EXOC2: variants seen among roughly 807,000 people sequenced by gnomAD.
EXOC2 encodes the protein exocyst complex component 2.
EXOC2 carries 70 observed loss-of-function variants against 131.8 expected under a neutral mutation model. That is an observed-to-expected ratio of 0.53 (90% confidence interval 0.44 to 0.65). The LOEUF is 0.65. Among genes scored for constraint, EXOC2 ranks in the 30% least tolerant of loss-of-function variants. The pLI is 0.00. For synonymous variants in EXOC2, 411 were observed against 398.4 expected (o/e 1.03, Z -0.38); for missense variants, 923 against 1,108.6 (o/e 0.83, Z 2.38).
chr6:494,442 T>G (rs1375907900), intron 25 of EXOC2, among the ~76,000 whole-genome samples: 1 of 17,056 alleles, frequency 5.9e-5, no homozygotes, highest in African/African-American at 7.8e-5. Flanking sequence ...TTTGCACCCG[T>G]TTTTTTTTTT....
chr6:578,135 G>C (rs1003254903), intron 11 of EXOC2, among the ~76,000 whole-genome samples: 1 of 152,092 alleles, frequency 6.6e-6, no homozygotes, highest in African/African-American at 2.4e-5. Flanking sequence ...ACCACATGTA[G>C]TAAGTGACTG....
chr6:487,939 A>C (rs1308299389), intron 27 of EXOC2, among the ~76,000 whole-genome samples: 1 of 152,222 alleles, frequency 6.6e-6, no homozygotes, highest in African/African-American at 2.4e-5. Flanking sequence ...TCCACATATG[A>C]AACGTAGCAG....
At chr6:507,148 ACACAAGAAGTGACCCCCCCACC>A in intron 23 of EXOC2, among the ~76,000 whole-genome samples, 1 of 100,170 alleles carries the variant, frequency 1.0e-5, no homozygotes, top group Admixed American at 1.2e-4. Context: ...ACACACACAC[ACACAAGAAGTGACCCCCCCACC>A]CACACACACA....
At chr6:520,763 T>C (rs527599872) in intron 23 of EXOC2, among the ~76,000 whole-genome samples, 15 of 83,318 alleles carry the variant, frequency 1.8e-4, no homozygotes, top group East Asian at 5.3e-4. Context: ...CACTCGGACA[T>C]GAAAACCACC....
At chr6:657,193 C>T (rs1197884257) in intron 1 of EXOC2, 8 of 375,190 alleles carry the variant, frequency 2.1e-5, no homozygotes, top group South Asian at 2.4e-4. Context: ...AAAATGCTTC[C>T]GTTTCCACTC....
chr6:675,271 C>T (rs1764057844), intron 1 of EXOC2, among the ~76,000 whole-genome samples: 1 of 152,224 alleles, frequency 6.6e-6, no homozygotes, highest in Non-Finnish European at 1.5e-5. Flanking sequence ...AAAAAAGAGA[C>T]TCTCAGGCTG....
chr6:577,392 T>C, intron 11 of EXOC2, among the ~76,000 whole-genome samples: 1 of 152,182 alleles, frequency 6.6e-6, no homozygotes, highest in East Asian at 1.9e-4. Context: ...AGCCAGAACA[T>C]TCTACTACCA....
At chr6:535,667 G>T (rs1321223446) in intron 22 of EXOC2, among the ~76,000 whole-genome samples, 2 of 152,224 alleles carry the variant, frequency 1.3e-5, no homozygotes, top group African/African-American at 4.8e-5. Flanking sequence ...TATAGACAAG[G>T]ACTTGACAAT....
chr6:564,427 G>C, intron 15 of EXOC2, 118 bp downstream of exon 15: 2 of 1,394,352 alleles, frequency 1.4e-6, no homozygotes, highest in Non-Finnish European at 2.0e-6. Flanking sequence ...AAACAGTGGA[G>C]GCAAAAGGAC....
chr6:498,971 C>A (rs922809070), intron 24 of EXOC2, among the ~76,000 whole-genome samples: 3 of 152,172 alleles, frequency 2.0e-5, no homozygotes, highest in Non-Finnish European at 4.4e-5. Context: ...AAACAGGCAG[C>A]CATAGATCAT....
At chr6:612,763 A>G (rs531305101) in intron 6 of EXOC2, among the ~76,000 whole-genome samples, 6 of 152,300 alleles carry the variant, frequency 3.9e-5, no homozygotes, top group Admixed American at 3.3e-4. Flanking sequence ...AGGAAGACAA[A>G]TAAGACAGAG....
intron 6 of EXOC2, 109 bp downstream of exon 6, chr6:617,602 T>A: frequency 7.3e-7 from 1 of 1,373,782 alleles, no homozygotes; most frequent in Non-Finnish European, 9.7e-7. Context: ...ATTTGAGATC[T>A]CTACTTTGAT....
chr6:658,665 A>ATATATATATATATAT (rs1374453663), intron 1 of EXOC2, among the ~76,000 whole-genome samples: 1 of 115,546 alleles, frequency 8.7e-6, no homozygotes, highest in African/African-American at 3.3e-5. Context: ...ATATATATAT[A>ATATATATATATATAT]TTTTTTTTTT....
At position 555,237 on chromosome 6, in the gene EXOC2, C is replaced by G. The variant is rs1233296079; in HGVS notation, c.2044G>C (p.Asp682His). 1 of 1,515,538 alleles carries G rather than the reference C, an allele frequency of 6.6e-7. No individual in the cohort carries two copies. Among genetic ancestry groups the G allele is most frequent in the Non-Finnish European group, 9.0e-7 (1 of 1,116,712 alleles). The allele number at this position is 1,515,538 out of a possible 1,614,324, so 93.9% of individuals were successfully genotyped here. ...TTAATTTTTACTTACTGTGTAGTAT[C>G]TATATCTGCATCAGGCTTGGTGCTC... Reference protein sequence around the residue: ...QLSTKPDADIDTTHLSVDVSS... With the variant: ...QLSTKPDADIHTTHLSVDVSS... The change falls in exon 20 of 28, where the codon GAT (aspartate) becomes CAT (histidine). Residue 682 changes from aspartate (D) to histidine (H), a missense_variant. Transcript: ENST00000230449.
chr6:540,483 A>C (rs1485732847), intron 22 of EXOC2, among the ~76,000 whole-genome samples: 1 of 152,224 alleles, frequency 6.6e-6, no homozygotes, highest in Non-Finnish European at 1.5e-5. Context: ...TTACTTAGTA[A>C]CAAAAAACAA....
chr6:504,172 C>T (rs987081026), intron 23 of EXOC2, among the ~76,000 whole-genome samples: 2 of 152,192 alleles, frequency 1.3e-5, no homozygotes, highest in African/African-American at 2.4e-5. Context: ...CATGCACATG[C>T]GAACACTGAG....
intron 11 of EXOC2, among the ~76,000 whole-genome samples, chr6:586,335 G>A (rs958571518): frequency 7.9e-5 from 12 of 152,148 alleles, no homozygotes; most frequent in African/African-American, 2.4e-4. Flanking sequence ...GGGGCACTGC[G>A]GGCCTTCCCA....
chr6:555,117 ATCTT>A, intron 20 of EXOC2, 106 bp downstream of exon 20: 1 of 516,342 alleles, frequency 1.9e-6, no homozygotes, highest in East Asian at 3.4e-5. Context: ...GATATGAACA[ATCTT>A]TCTTTCTTAC....
chr6:580,099 T>C (rs1369893411), intron 11 of EXOC2, among the ~76,000 whole-genome samples: 2 of 151,262 alleles, frequency 1.3e-5, no homozygotes, highest in Non-Finnish European at 2.9e-5. Flanking sequence ...TGGAGCCCAG[T>C]GGCACAATCT....
Sources: allele counts gnomAD v4.1 joint callset (sites outside exome capture counted in the v4.1 genomes callset), GRCh38; gene constraint gnomAD v4.1.1; transcripts MANE v1.5; gene names NCBI Gene and HGNC (gene_info 2026-07-23, HGNC 2026-07-21).